The following SUMF1 variants were observed in gnomAD, a reference collection of about 807,000 sequenced individuals.
SUMF1 encodes the protein formylglycine-generating enzyme.
SUMF1 carries 48 observed loss-of-function variants against 47.6 expected under a neutral mutation model. That is an observed-to-expected ratio of 1.01 (90% confidence interval 0.80 to 1.28). The LOEUF is 1.28. Among genes scored for constraint, SUMF1 ranks in the 50% most tolerant of loss-of-function variants. The pLI, the probability that SUMF1 is intolerant of heterozygous loss-of-function variation, is 0.00. For synonymous variants in SUMF1, 230 were observed against 192.1 expected, an observed-to-expected ratio of 1.20 and a Z score of -1.63; for missense variants, 571 against 485.4, an observed-to-expected ratio of 1.18 and a Z score of -1.66.
chr3:4,209,822 G>A (rs956771009), intron 8 of SUMF1, among the ~76,000 whole-genome samples: 11 of 152,048 alleles, frequency 7.2e-5, no homozygotes, highest in Non-Finnish European at 1.0e-4. Flanking sequence ...AGATCACTAC[G>A]CTAAAGACTA....
intron 8 of SUMF1, among the ~76,000 whole-genome samples, chr3:4,308,594 A>C (rs1019863380): frequency 6.6e-5 from 10 of 152,164 alleles, no homozygotes; most frequent in African/African-American, 2.4e-5. Flanking sequence ...TATAGCTACT[A>C]ATCTGAAGCC....
chr3:4,387,540 G>C (rs1700714075), intron 7 of SUMF1, among the ~76,000 whole-genome samples: 1 of 151,894 alleles, frequency 6.6e-6, no homozygotes, highest in Non-Finnish European at 1.5e-5. Context: ...CAAAGACCCA[G>C]TTCTTCATTT....
rs573462065 is a variant in SUMF1, at chr3:4,132,454, T to C, written c.1015-63709A>G. 2.6e-5 allele frequency among the ~76,000 whole-genome samples: 4 copies of C among 152,242 alleles called. No homozygotes were observed. The South Asian group carries it at 6.2e-4, about 24-fold the overall frequency. ...TGGGTCAAAGTTCTCCAGAAGGCCA[T>C]GTATGCTCTGAATCACCATCCAATA... On this transcript the variant is annotated intron_variant and NMD_transcript_variant, in intron 8 of 12. Transcript: ENST00000448413.
At chr3:4,071,015 G>C (rs1695508804) in intron 8 of SUMF1, among the ~76,000 whole-genome samples, 1 of 152,020 alleles carries the variant, frequency 6.6e-6, no homozygotes, top group Non-Finnish European at 1.5e-5. Flanking sequence ...AGAAGAATAA[G>C]TTGATTTAGC....
intron 8 of SUMF1, among the ~76,000 whole-genome samples, chr3:4,205,085 G>A (rs1462248737): frequency 6.6e-6 from 1 of 152,124 alleles, no homozygotes; most frequent in Non-Finnish European, 1.5e-5. Flanking sequence ...CAGATGGCCT[G>A]AAGCAACTGA....
At position 4,311,849 on chromosome 3, in the gene SUMF1, A is replaced by G. The variant is rs138180318; in HGVS notation, c.1014+64481T>C. ...ATGGTTTGAGTTCTATGTAAGCAAG[A>G]ATTACTATATACATAAAAAAATCTG... On this transcript the variant is annotated intron_variant and NMD_transcript_variant, in intron 8 of 12. Coordinates refer to the SUMF1 transcript ENST00000448413. Among the ~76,000 whole-genome samples, 21 of 152,340 alleles carry G rather than the reference A, an allele frequency of 1.4e-4. No individual in the cohort carries two copies. In the East Asian group the frequency reaches 3.9e-3, roughly 28 times the overall value.
At chr3:4,175,222 T>A (rs1694931480) in intron 8 of SUMF1, among the ~76,000 whole-genome samples, 2 of 152,194 alleles carry the variant, frequency 1.3e-5, no homozygotes, top group Non-Finnish European at 1.5e-5. Context: ...ATGGACAGAC[T>A]GCCTCCTCAA....
intron 8 of SUMF1, 121 bp from the exon 9 acceptor site, chr3:4,362,375 T>TA (rs1354272446): frequency 2.5e-5 from 20 of 787,492 alleles, no homozygotes; most frequent in Non-Finnish European, 3.9e-5. Flanking sequence ...CCTGTATGGA[T>TA]ACTTAACATG....
intron 1 of SUMF1, among the ~76,000 whole-genome samples, chr3:4,457,089 T>G (rs966990560): frequency 2.7e-5 from 4 of 148,050 alleles, no homozygotes; most frequent in Non-Finnish European, 3.0e-5. Context: ...TGTGTATATA[T>G]ATATATTTTT....
At chr3:4,161,901 A>T (rs890910598) in intron 8 of SUMF1, among the ~76,000 whole-genome samples, 3 of 151,970 alleles carry the variant, frequency 2.0e-5, no homozygotes, top group Admixed American at 2.0e-4. Flanking sequence ...TCACTGCTGG[A>T]AATGTGCTGG....
At chr3:4,043,672 T>C (rs778379835) in intron 9 of SUMF1, among the ~76,000 whole-genome samples, 13 of 152,150 alleles carry the variant, frequency 8.5e-5, no homozygotes, top group Non-Finnish European at 1.8e-4. Context: ...TCTCACACTT[T>C]ATTTCTCCAT....
intron 8 of SUMF1, among the ~76,000 whole-genome samples, chr3:4,083,691 A>G (rs1692613947): frequency 6.6e-6 from 1 of 152,156 alleles, no homozygotes; most frequent in Non-Finnish European, 1.5e-5. Flanking sequence ...CAAAATATGT[A>G]ATGCCTTATT....
chr3:4,088,014 C>T (rs1692706928), intron 8 of SUMF1, among the ~76,000 whole-genome samples: 1 of 151,922 alleles, frequency 6.6e-6, no homozygotes, highest in South Asian at 2.1e-4. Context: ...AGGTGTAATA[C>T]AATTTTTCCT....
chr3:4,253,627 G>A (rs973429038), intron 8 of SUMF1, among the ~76,000 whole-genome samples: 3,248 of 151,030 alleles, frequency 0.022, 84 homozygotes, highest in African/African-American at 0.075. Context: ...AAGGAATCTC[G>A]CTGATTGCTA....
intron 1 of SUMF1, among the ~76,000 whole-genome samples, chr3:4,460,822 A>T (rs950349827): frequency 1.3e-5 from 2 of 151,314 alleles, no homozygotes; most frequent in South Asian, 4.2e-4. Flanking sequence ...ACACCCTGCT[A>T]ATTTTTTTTT....
chr3:4,102,443 TGA>T, intron 8 of SUMF1, among the ~76,000 whole-genome samples: 1 of 152,106 alleles, frequency 6.6e-6, no homozygotes, highest in Non-Finnish European at 1.5e-5. Flanking sequence ...ATAGCAGTAA[TGA>T]TAGAGTCCAG....
intron 8 of SUMF1, among the ~76,000 whole-genome samples, chr3:4,074,955 A>G (rs976707247): frequency 1.3e-5 from 2 of 152,142 alleles, no homozygotes; most frequent in Admixed American, 1.3e-4. Flanking sequence ...AACTATTCCA[A>G]TGAATAGAAA....
intron 8 of SUMF1, among the ~76,000 whole-genome samples, chr3:4,160,719 C>G (rs575109349): frequency 6.6e-6 from 1 of 151,924 alleles, no homozygotes; most frequent in African/African-American, 2.4e-5. Flanking sequence ...ATTCTGAATT[C>G]CTTCTCTGTG....
intron 8 of SUMF1, among the ~76,000 whole-genome samples, chr3:4,224,210 T>C (rs1696127062): frequency 6.6e-6 from 1 of 152,056 alleles, no homozygotes; most frequent in African/African-American, 2.4e-5. Flanking sequence ...ATAAAGTTTC[T>C]ATCAGAAAAG....
Sources: allele counts gnomAD v4.1 joint callset (sites outside exome capture counted in the v4.1 genomes callset), GRCh38; gene constraint gnomAD v4.1.1; transcripts MANE v1.5; gene names NCBI Gene and HGNC (gene_info 2026-07-23, HGNC 2026-07-21).